The following NUMB variants were observed in gnomAD, a reference collection of about 807,000 sequenced individuals.
The protein encoded by NUMB is protein numb homolog.
A neutral mutation model predicts 59.7 loss-of-function variants in NUMB; 29 were observed. That is an observed-to-expected ratio of 0.49 (90% CI 0.36 to 0.66). The LOEUF (loss-of-function observed/expected upper bound fraction) is 0.66, where lower values mean the gene tolerates loss of function less well. Among genes scored for constraint, NUMB ranks in the 30% least tolerant of loss-of-function variants. The probability of loss-of-function intolerance (pLI) is 0.00; values close to 1 mark genes in which losing one functional copy is unlikely to be tolerated. For synonymous variants in NUMB, 288 were observed against 288.2 expected (o/e 1.00, Z 0.01); for missense variants, 723 against 822.0 (o/e 0.88, Z 1.47).
intron 2 of NUMB, among the ~76,000 whole-genome samples, chr14:73,388,972 G>A (rs1282215682): frequency 3.9e-5 from 6 of 151,954 alleles, no homozygotes; most frequent in Non-Finnish European, 2.9e-5. Context: ...GGTGGCGGGC[G>A]CCTGCAGTCC....
intron 2 of NUMB, among the ~76,000 whole-genome samples, chr14:73,408,402 C>T (rs570947565): frequency 3.3e-5 from 5 of 152,020 alleles, no homozygotes; most frequent in African/African-American, 1.2e-4. Flanking sequence ...AAATCAATTT[C>T]CCAAATAATT....
intron 6 of NUMB, among the ~76,000 whole-genome samples, chr14:73,308,583 G>A (rs1890595598): frequency 6.6e-6 from 1 of 152,150 alleles, no homozygotes; most frequent in African/African-American, 2.4e-5. Context: ...CCCAAAGGCT[G>A]GGACCTTGAT....
rs5809612 is a variant in NUMB, at chr14:73,320,134, C to CGG, written c.201+2994_201+2995dup. 4.4e-3 allele frequency among the ~76,000 whole-genome samples: 667 copies of CGG among 151,316 alleles called. 9 individuals are homozygous for CGG. The highest frequency in any genetic ancestry group is 0.03 in the Admixed American group (452 of 15,160). On this transcript the variant is annotated intron_variant, in intron 5 of 12. Transcript: ENST00000555238. Reference sequence around the variant, plus strand: ...GTGACAGAGCAAGACTCCGACTCGGCGGGGGGGCAAAAAAAGAATGGGGAT... The same window carrying CGG: ...GTGACAGAGCAAGACTCCGACTCGGCGGGGGGGGGCAAAAAAAGAATGGGGAT...
chr14:73,445,382 A>C (rs1043177277), intron 1 of NUMB, among the ~76,000 whole-genome samples: 25 of 143,656 alleles, frequency 1.7e-4, no homozygotes, highest in African/African-American at 5.4e-4. Flanking sequence ...AAAAAAAAAA[A>C]AAAAAAAAAA....
At chr14:73,392,951 T>C (rs1895926314) in intron 2 of NUMB, among the ~76,000 whole-genome samples, 1 of 152,122 alleles carries the variant, frequency 6.6e-6, no homozygotes, top group African/African-American at 2.4e-5. Flanking sequence ...CAAAATTTAA[T>C]AGACATGTGC....
At chr14:73,451,179 A>AC (rs1883939667) in intron 1 of NUMB, among the ~76,000 whole-genome samples, 4 of 148,962 alleles carry the variant, frequency 2.7e-5, no homozygotes, top group African/African-American at 9.9e-5. Context: ...AAAAAACAAA[A>AC]AACAAATCTA....
intron 2 of NUMB, among the ~76,000 whole-genome samples, chr14:73,378,016 C>T (rs1372650224): frequency 4.7e-5 from 7 of 148,358 alleles, no homozygotes; most frequent in African/African-American, 1.8e-4. Flanking sequence ...CACACACACA[C>T]ACATACACAC....
intron 1 of NUMB, among the ~76,000 whole-genome samples, chr14:73,443,953 G>A (rs901557728): frequency 6.6e-6 from 1 of 151,686 alleles, no homozygotes; most frequent in Non-Finnish European, 1.5e-5. Flanking sequence ...GTCCCCCCAC[G>A]CAGGAGTGCA....
intron 8 of NUMB, among the ~76,000 whole-genome samples, chr14:73,289,159 A>G (rs1490926708): frequency 1.3e-5 from 2 of 151,540 alleles, no homozygotes; most frequent in Admixed American, 6.6e-5. Flanking sequence ...TACCCTTCCT[A>G]TCTTCCTCTA....
rs182257205 is a variant in NUMB, at chr14:73,338,063, T to C, written c.127-14859A>G. ...ACTTTGGGAAGCTGAGGTGGGAGAA[T>C]TGCTTGAGGCCAGGAGTTTGAGACC... On this transcript the variant is annotated intron_variant, in intron 4 of 12. Coordinates refer to ENST00000555238, the MANE Select transcript of NUMB (RefSeq NM_001005743.2). Among the ~76,000 whole-genome samples the C allele has an allele frequency of 2.1e-3, 314 of 152,258 alleles. 2 individuals carry two copies. The highest frequency in any genetic ancestry group is 6.5e-3 in the African/African-American group (272 of 41,556).
At chr14:73,381,307 G>GAGA (rs571393607) in intron 2 of NUMB, among the ~76,000 whole-genome samples, 210 of 151,440 alleles carry the variant, frequency 1.4e-3, no homozygotes, top group Middle Eastern at 3.4e-3. Context: ...AAACACTGAA[G>GAGA]AGAAGGTATA....
At chr14:73,405,439 T>C (rs1410098786) in intron 2 of NUMB, among the ~76,000 whole-genome samples, 20,664 of 95,440 alleles carry the variant, frequency 0.22, 1,899 homozygotes, top group Non-Finnish European at 0.3. Flanking sequence ...CTTTCTCTTT[T>C]TTTTTTTTTT....
intron 2 of NUMB, among the ~76,000 whole-genome samples, chr14:73,389,559 T>C (rs1895743374): frequency 1.3e-5 from 2 of 152,116 alleles, no homozygotes; most frequent in African/African-American, 2.4e-5. Flanking sequence ...CCTGACCTTG[T>C]GATCTGCCCG....
At chr14:73,402,351 A>G (rs1896458918) in intron 2 of NUMB, among the ~76,000 whole-genome samples, 1 of 152,332 alleles carries the variant, frequency 6.6e-6, no homozygotes, top group South Asian at 2.1e-4. Flanking sequence ...CATAAAAATA[A>G]TAACTAAAAA....
chr14:73,418,676 C>A (rs1351802983), intron 1 of NUMB, among the ~76,000 whole-genome samples: 1 of 151,946 alleles, frequency 6.6e-6, no homozygotes, highest in African/African-American at 2.4e-5. Flanking sequence ...GAGGCTGAGA[C>A]AAGAGAATCG....
intron 2 of NUMB, among the ~76,000 whole-genome samples, chr14:73,390,638 C>CTTTTTTTTTTTTTTTTTTTTTT (rs55831976): frequency 2.5e-5 from 1 of 39,384 alleles, no homozygotes; most frequent in Non-Finnish European, 4.7e-5. Flanking sequence ...AAAACAAAGT[C>CTTTTTTTTTTTTTTTTTTTTTT]TTTTTTTTTT....
chr14:73,395,829 A>T lies in NUMB; in HGVS notation c.-101+14108T>A, dbSNP rs529831064. ...GTGTCTCAACTGTCCTCTTTGAAAA[A>T]ATGGAAATAACCTTAAAATACATTA... On this transcript the variant is annotated intron_variant, in intron 2 of 12. Transcript: ENST00000555238. Among the ~76,000 whole-genome samples, 3 of 152,276 alleles carry T rather than the reference A, an allele frequency of 2.0e-5. No individual in the cohort carries two copies. The East Asian group carries it at 5.8e-4, about 29-fold the overall frequency.
intron 1 of NUMB, among the ~76,000 whole-genome samples, chr14:73,415,691 T>C (rs1330911396): frequency 6.6e-6 from 1 of 152,078 alleles, no homozygotes; most frequent in Non-Finnish European, 1.5e-5. Context: ...GGTCTCGAAC[T>C]CCCTGCCTCA....
At chr14:73,453,290 G>A (rs917198151) in intron 1 of NUMB, among the ~76,000 whole-genome samples, 4 of 151,784 alleles carry the variant, frequency 2.6e-5, no homozygotes, top group Non-Finnish European at 5.9e-5. Context: ...GTGCCACCAC[G>A]CCCGGCTAAT....
Sources: gnomAD v4.1 joint callset for allele counts (sites outside exome capture counted in the v4.1 genomes callset) on GRCh38, gnomAD v4.1.1 for gene constraint, MANE v1.5 for transcripts, NCBI Gene and HGNC (gene_info 2026-07-23, HGNC 2026-07-21) for gene names.